Variants in CDH13 observed in about 807,000 individuals in gnomAD.
CDH13 encodes cadherin-13.
A neutral mutation model predicts 63.8 loss-of-function variants in CDH13; 24 were observed. That is an observed-to-expected ratio of 0.38 (90% CI 0.27 to 0.53). CDH13 has a LOEUF of 0.53. Ranked by LOEUF, CDH13 falls within the 20% of genes least tolerant of loss-of-function variation. The pLI, the probability that CDH13 is intolerant of heterozygous loss-of-function variation, is 0.85. For missense variants in CDH13, 1,049 were observed against 903.1 expected (o/e 1.16, Z -2.07); for synonymous variants, 503 against 355.3 (o/e 1.42, Z -4.67).
At chr16:82,728,730 T>A (rs1176551644) in intron 1 of CDH13, among the ~76,000 whole-genome samples, 2 of 152,154 alleles carry the variant, frequency 1.3e-5, no homozygotes, top group African/African-American at 2.4e-5. Context: ...ACAATGAAGT[T>A]GTCTGCATCA....
intron 4 of CDH13, among the ~76,000 whole-genome samples, chr16:83,157,738 T>TAAA (rs58336254): frequency 1.0e-4 from 10 of 99,526 alleles, no homozygotes; most frequent in Non-Finnish European, 1.8e-4. Context: ...ACTAGAAATA[T>TAAA]AAAAAAAAAA....
At chr16:83,561,606 AC>A (rs1380686568) in intron 7 of CDH13, among the ~76,000 whole-genome samples, 1 of 152,214 alleles carries the variant, frequency 6.6e-6, no homozygotes, top group Non-Finnish European at 1.5e-5. Flanking sequence ...TAAGCACTTT[AC>A]AGGTTAAATT....
chr16:82,666,537 A>G (rs996510338), intron 1 of CDH13, among the ~76,000 whole-genome samples: 3 of 152,206 alleles, frequency 2.0e-5, no homozygotes, highest in African/African-American at 7.2e-5. Context: ...AGGGGAAAGC[A>G]CACACTTTGA....
At chr16:83,016,103 A>G (rs550238309) in intron 2 of CDH13, among the ~76,000 whole-genome samples, 1 of 152,212 alleles carries the variant, frequency 6.6e-6, no homozygotes, top group East Asian at 1.9e-4. Flanking sequence ...GGAGCTAGAG[A>G]TGATGCCATA....
intron 1 of CDH13, among the ~76,000 whole-genome samples, chr16:82,702,026 C>G (rs1235910710): frequency 1.3e-5 from 2 of 152,210 alleles, no homozygotes; most frequent in Non-Finnish European, 2.9e-5. Flanking sequence ...GCTTATGGCA[C>G]TCAAGGTGTT....
At chr16:83,706,748 G>T (rs1161951410) in intron 10 of CDH13, among the ~76,000 whole-genome samples, 1 of 152,190 alleles carries the variant, frequency 6.6e-6, no homozygotes, top group Admixed American at 6.5e-5. Context: ...GATGAAGCAA[G>T]CTTCAGGAAT....
At chr16:83,728,417 A>G (rs436429) in intron 10 of CDH13, among the ~76,000 whole-genome samples, 103,089 of 151,426 alleles carry the variant, frequency 0.68, 36,643 homozygotes, top group Middle Eastern at 0.8. Flanking sequence ...AGGTCTTGAC[A>G]AACAACAGTT....
At chr16:82,794,287 C>T (rs535964300) in intron 1 of CDH13, among the ~76,000 whole-genome samples, 1 of 150,526 alleles carries the variant, frequency 6.6e-6, no homozygotes, top group Non-Finnish European at 1.5e-5. Flanking sequence ...AATTTGAAAA[C>T]CCCTGGTTTA....
intron 5 of CDH13, among the ~76,000 whole-genome samples, chr16:83,287,129 T>A (rs1348935626): frequency 6.6e-6 from 1 of 152,210 alleles, no homozygotes; most frequent in Non-Finnish European, 1.5e-5. Flanking sequence ...ATGTTCATTC[T>A]GCAAATGTCA....
chr16:83,663,965 G>A (rs897838051), intron 8 of CDH13, among the ~76,000 whole-genome samples: 6 of 150,368 alleles, frequency 4.0e-5, no homozygotes, highest in Non-Finnish European at 7.4e-5. Context: ...TTTGAGACCA[G>A]CCTGGGCAAC....
chr16:82,794,632 A>C (rs1008983023), intron 1 of CDH13, among the ~76,000 whole-genome samples: 3 of 152,216 alleles, frequency 2.0e-5, no homozygotes, highest in Non-Finnish European at 2.9e-5. Flanking sequence ...TTTCTCAAAC[A>C]GAAGCTTAAT....
intron 7 of CDH13, among the ~76,000 whole-genome samples, chr16:83,511,373 G>A (rs3924333): frequency 0.15 from 23,302 of 151,916 alleles, 2,768 homozygotes; most frequent in African/African-American, 0.33. Context: ...GAAGCAGGAA[G>A]ATTGCTTGAA....
At chr16:83,288,417 T>C (rs946388840) in intron 5 of CDH13, among the ~76,000 whole-genome samples, 1 of 152,210 alleles carries the variant, frequency 6.6e-6, no homozygotes, top group South Asian at 2.1e-4. Context: ...GCATAAAGCC[T>C]ATTGCTTGGA....
At chr16:83,174,266 A>G (rs755675611) in intron 4 of CDH13, among the ~76,000 whole-genome samples, 2 of 152,048 alleles carry the variant, frequency 1.3e-5, no homozygotes, top group Non-Finnish European at 2.9e-5. Flanking sequence ...TCACTTTACA[A>G]TCCATCCCTT....
At chr16:83,416,250 G>A (rs1462895018) in intron 6 of CDH13, among the ~76,000 whole-genome samples, 5 of 152,176 alleles carry the variant, frequency 3.3e-5, no homozygotes, top group African/African-American at 7.2e-5. Flanking sequence ...AATTTTAAAA[G>A]ACACAAACAG....
chr16:82,957,903 C>G (rs931720601), intron 2 of CDH13, among the ~76,000 whole-genome samples: 2 of 152,208 alleles, frequency 1.3e-5, no homozygotes, highest in Non-Finnish European at 2.9e-5. Flanking sequence ...AAAATGTGCA[C>G]TCATAATTTT....
chr16:83,424,730 G>C (rs1219471079), intron 6 of CDH13, among the ~76,000 whole-genome samples: 1 of 152,144 alleles, frequency 6.6e-6, no homozygotes, highest in Admixed American at 6.6e-5. Context: ...ATAATTTCTG[G>C]TTCTTTTCTC....
chr16:83,705,393 C>T (rs928577893), intron 10 of CDH13, among the ~76,000 whole-genome samples: 2 of 152,030 alleles, frequency 1.3e-5, no homozygotes, highest in African/African-American at 2.4e-5. Context: ...GAGGCTGAGG[C>T]GGGCAGATCA....
At position 83,191,526 on chromosome 16, in the gene CDH13, C is replaced by CATATAT. The variant is rs763006044; in HGVS notation, c.484-25818_484-25817insTATATA. 2.2e-4 allele frequency among the ~76,000 whole-genome samples: 22 copies of CATATAT among 101,694 alleles called. 1 individual carries two copies. The highest frequency in any genetic ancestry group is 9.8e-4 in the African/African-American group (22 of 22,422). 66.7% of individuals were successfully genotyped at this position (101,694 alleles called of 152,430 possible). A position where few individuals can be genotyped will look rare whatever the true frequency, so the allele number is the denominator to read the frequency against. On this transcript the variant is annotated intron_variant, in intron 4 of 13. Coordinates refer to ENST00000567109, the MANE Select transcript of CDH13 (RefSeq NM_001257.5). The stretch of plus-strand genomic sequence containing the variant: ...ATATACACACACACACACACACACA[C>CATATAT]ACACATATATATATATATATATATA...
Sources: gnomAD v4.1 joint callset for allele counts (sites outside exome capture counted in the v4.1 genomes callset) on GRCh38, gnomAD v4.1.1 for gene constraint, MANE v1.5 for transcripts, NCBI Gene and HGNC (gene_info 2026-07-23, HGNC 2026-07-21) for gene names.